CSDE1: variants seen among roughly 807,000 people sequenced by gnomAD.
CSDE1 encodes cold shock domain-containing protein E1.
A neutral mutation model predicts 89.3 loss-of-function variants in CSDE1; 17 were observed. The observed-to-expected ratio is 0.19, with a 90% CI of 0.13 to 0.29. The LOEUF is 0.29. Ranked by LOEUF, CSDE1 falls within the 10% of genes least tolerant of loss-of-function variation. The pLI, the probability that CSDE1 is intolerant of heterozygous loss-of-function variation, is 1.00. For synonymous variants in CSDE1, 322 were observed against 332.8 expected (o/e 0.97, Z 0.35); for missense variants, 672 against 984.2 (o/e 0.68, Z 4.24).
At chr1:114,732,480 T>G in intron 10 of CSDE1, 124 bp downstream of exon 10, 1 of 809,608 alleles carries the variant, frequency 1.2e-6, no homozygotes, top group Non-Finnish European at 2.0e-6. Flanking sequence ...CTTAATCACC[T>G]TAACAAGGTA....
intron 1 of CSDE1, among the ~76,000 whole-genome samples, chr1:114,755,548 G>C (rs563468563): frequency 2.0e-5 from 3 of 152,284 alleles, no homozygotes; most frequent in African/African-American, 7.2e-5. Flanking sequence ...ACCCACACAT[G>C]CAAGTGGAAA....
intron 1 of CSDE1, among the ~76,000 whole-genome samples, chr1:114,751,680 A>G (rs1408820330): frequency 6.6e-6 from 1 of 150,974 alleles, no homozygotes; most frequent in South Asian, 2.1e-4. Flanking sequence ...GTGCTCAAAT[A>G]CTTGGGAAGC....
Position 114,718,695 on chromosome 1 carries a change from C to T in CSDE1, c.2267G>A (p.Arg756His). Residue 756 changes from arginine (R) to histidine (H), a missense_variant, in exon 19 of 20, where the codon CGC becomes CAC. Physicochemically the swap from Arg to His is conservative, Grantham distance 29. This residue lies in a region of CSDE1 where 206 missense variants were observed against 332.4 expected (regional missense o/e 0.62). Coordinates refer to ENST00000358528, the MANE Select transcript of CSDE1 (RefSeq NM_001007553.3). The part of the protein sequence containing the change: ...AAPRPDRLVN[R>H]LKNITLDDAS... ...ATCATCCAGAGTGATATTCTTCAAG[C>T]GATTGACCAACCGATCAGGTCGAGG... The T allele has an allele frequency of 1.9e-6, 3 of 1,614,184 alleles. No homozygotes were observed. The highest frequency in any genetic ancestry group is 2.5e-6 in the Non-Finnish European group (3 of 1,180,038).
chr1:114,756,459 T>G (rs1410277817), intron 1 of CSDE1, among the ~76,000 whole-genome samples: 2 of 152,190 alleles, frequency 1.3e-5, no homozygotes, highest in African/African-American at 2.4e-5. Context: ...AACCAAGGTA[T>G]GTATTATAGT....
intron 2 of CSDE1, among the ~76,000 whole-genome samples, chr1:114,741,147 T>C (rs1252790981): frequency 6.6e-6 from 1 of 152,148 alleles, no homozygotes; most frequent in Non-Finnish European, 1.5e-5. Flanking sequence ...ATTTTACCAA[T>C]GAGAAAACAG....
chr1:114,757,768 A>T (rs781372737), intron 1 of CSDE1, among the ~76,000 whole-genome samples, 157 bp downstream of exon 1: 1 of 152,078 alleles, frequency 6.6e-6, no homozygotes, highest in Non-Finnish European at 1.5e-5. Flanking sequence ...AGACGTATGA[A>T]AAAGCCCAGG....
intron 8 of CSDE1, 26 bp from the exon 9 acceptor site, chr1:114,733,883 T>C: frequency 6.2e-7 from 1 of 1,612,200 alleles, no homozygotes; most frequent in South Asian, 1.1e-5. Context: ...TTGGAGGTGG[T>C]GGGGGGACAG....
In CSDE1 at chr1:114,752,567, T is replaced by C. The variant is rs1042920004; in HGVS notation, c.-387-2360A>G. On this transcript the variant is annotated intron_variant, in intron 1 of 19. Transcript: ENST00000358528. ...TCTACCTTCCATCCTTACTCTCTAC[T>C]GTGTTCCAGTTCTACCAGAAGTCCA... Among the ~76,000 whole-genome samples, 14 of 152,224 alleles carry C rather than the reference T, an allele frequency of 9.2e-5. No homozygotes were observed. The East Asian group carries it at 2.5e-3, about 27-fold the overall frequency.
At chr1:114,733,475 G>A (rs563422589) in intron 9 of CSDE1, among the ~76,000 whole-genome samples, 194 of 148,572 alleles carry the variant, frequency 1.3e-3, no homozygotes, top group Non-Finnish European at 1.9e-3. Context: ...GCAGTGAGCC[G>A]AGATCGCGCC....
intron 4 of CSDE1, 92 bp from the exon 5 acceptor site, chr1:114,737,655 T>C (rs567379915): frequency 9.0e-6 from 8 of 892,770 alleles, no homozygotes; most frequent in African/African-American, 5.1e-5. Context: ...CTCTATACTA[T>C]ATACAGGGAT....
chr1:114,741,298 C>T (rs566458769), intron 2 of CSDE1, among the ~76,000 whole-genome samples: 27 of 152,080 alleles, frequency 1.8e-4, no homozygotes, highest in Non-Finnish European at 4.0e-4. Context: ...TGAAATTTTC[C>T]ATCTTTATTA....
At chr1:114,720,316 A>G (rs902232221) in intron 17 of CSDE1, 1 of 466,104 alleles carries the variant, frequency 2.1e-6, no homozygotes. Context: ...CCATTGCATA[A>G]TATTAGTTAC....
chr1:114,737,965 G>C lies in CSDE1; in HGVS notation c.307C>G (p.Gln103Glu). The C allele has an allele frequency of 6.2e-7, 1 of 1,601,792 alleles. No individual in the cohort carries two copies. Among genetic ancestry groups the C allele is most frequent in the Non-Finnish European group, 8.6e-7 (1 of 1,168,828 alleles). The change falls in exon 4 of 20, where the codon CAA becomes GAA. Residue 103 changes from glutamine (Q) to glutamate (E), a missense_variant and splice_region_variant. Coordinates refer to ENST00000358528, the MANE Select transcript of CSDE1 (RefSeq NM_001007553.3). ...EILPEERMNGQVVCAVPHNLE... is the reference protein window; with the variant it reads ...EILPEERMNGEVVCAVPHNLE... ...CACAAAGCATCAAAGTCACTAACTT[G>C]TCCATTCATTCGTTCTTCAGGGAGG...
At chr1:114,718,783 G>A (rs1252940782) in intron 18 of CSDE1, 38 bp from the exon 19 acceptor site, 1 of 1,606,158 alleles carries the variant, frequency 6.2e-7, no homozygotes, top group Non-Finnish European at 8.5e-7. Flanking sequence ...AACCACACTT[G>A]GTGGGCAGAC....
In CSDE1 at chr1:114,732,989, G is replaced by A. The variant is rs752259689; in HGVS notation, c.838-173C>T. Reference sequence around the variant, plus strand: ...AAAGCTTCATGGTCTATGGTCACACGAGTCAACCATAAAATTACAACAATG... The same window carrying A: ...AAAGCTTCATGGTCTATGGTCACACAAGTCAACCATAAAATTACAACAATG... On this transcript the variant is annotated intron_variant, in intron 9 of 19. Coordinates refer to ENST00000358528, the MANE Select transcript of CSDE1 (RefSeq NM_001007553.3). Among the ~76,000 whole-genome samples, 11 of 152,124 alleles carry A rather than the reference G, an allele frequency of 7.2e-5. 1 individual carries two copies. Among genetic ancestry groups the A allele is most frequent in the Middle Eastern group, 6.3e-3 (2 of 316 alleles).
rs950891889 is a variant in CSDE1 at position 114,717,095 on chromosome 1, C to T, written c.*1074G>A. 1.3e-5 allele frequency: 2 copies of T among 152,756 alleles called. No individual in the cohort carries two copies. The highest frequency in any genetic ancestry group is 2.9e-5 in the Non-Finnish European group (2 of 68,158). 9.5% of individuals were successfully genotyped at this position (152,756 alleles called of 1,614,324 possible). ...CCCTCCCCCACATCCCCTGAGCTGA[C>T]CCTTGTCATCTTAGACAAAGCCTTC... On this transcript the variant is annotated 3_prime_UTR_variant, in exon 20 of 20. Transcript: ENST00000358528.
intron 2 of CSDE1, among the ~76,000 whole-genome samples, chr1:114,740,221 T>G (rs942277449): frequency 2.0e-5 from 3 of 152,144 alleles, no homozygotes; most frequent in Admixed American, 1.3e-4. Context: ...AACAACAATT[T>G]CAGAACAAAG....
In CSDE1 at chr1:114,749,921, G is replaced by A. The variant is rs970824522; in HGVS notation, c.-101C>T. On this transcript the variant is annotated 5_prime_UTR_variant, in exon 2 of 20. Transcript: ENST00000358528. ...TGAAAGTTGCTAGTATTAAAAAAAA[G>A]AGCGAGAGAAAATGATCTACCAAGC... is the stretch of plus-strand genomic sequence containing the variant. 2.6e-5 allele frequency: 4 copies of A among 152,530 alleles called. No individual in the cohort carries two copies. Among genetic ancestry groups the A allele is most frequent in the African/African-American group, 9.7e-5 (4 of 41,408 alleles). The allele number at this position is 152,530 out of a possible 1,614,324, so 9.4% of individuals were successfully genotyped here.
At chr1:114,720,309 T>C (rs1659446193) in intron 17 of CSDE1, 3 of 429,946 alleles carry the variant, frequency 7.0e-6, no homozygotes, top group African/African-American at 2.0e-5. Context: ...ATTTTCCCCA[T>C]TGCATAATAT....
Sources: gnomAD v4.1 joint callset for allele counts (sites outside exome capture counted in the v4.1 genomes callset) on GRCh38, gnomAD v4.1.1 for gene constraint, gnomAD v4.1.1 regional missense constraint, MANE v1.5 for transcripts, NCBI Gene and HGNC (gene_info 2026-07-23, HGNC 2026-07-21) for gene names.